MDH2: variants seen among roughly 807,000 people sequenced by gnomAD.
The protein encoded by MDH2 is malate dehydrogenase, mitochondrial.
Under a neutral mutation model 33.6 loss-of-function variants are expected in MDH2, and 25 were observed. The ratio of observed to expected loss-of-function variants is 0.74; its 90% CI spans 0.54 to 1.04. The LOEUF is 1.04. Ranked by LOEUF, MDH2 falls within the 50% of genes least tolerant of loss-of-function variation. MDH2 has a pLI of 0.00. For synonymous variants in MDH2, 193 were observed against 188.7 expected (o/e 1.02, Z -0.19); for missense variants, 432 against 445.0 (o/e 0.97, Z 0.26).
rs140972058 is a variant in MDH2, at chr7:76,057,474, T to C, written c.300T>C (p.Ala100=). The C allele has an allele frequency of 6.2e-7, 1 of 1,614,186 alleles. No individual in the cohort carries two copies. The highest frequency in any genetic ancestry group is 1.7e-5 in the Admixed American group (1 of 60,018). ...LKGCDVVVIP[A]GVPRKPGMTR... is the part of the protein sequence containing the mutation. ...GTTGTGATGTGGTAGTTATTCCGGC[T>C]GGAGTCCCCAGAAAGCCAGGTTTGT... The change falls in exon 3 of 9, where the codon GCT becomes GCC. Residue 100 remains alanine (A), a synonymous_variant. Coordinates refer to ENST00000315758, the MANE Select transcript of MDH2 (RefSeq NM_005918.4).
chr7:76,050,815 G>A (rs187741725), intron 1 of MDH2, among the ~76,000 whole-genome samples: 136 of 152,286 alleles, frequency 8.9e-4, no homozygotes, highest in Non-Finnish European at 1.6e-3. Flanking sequence ...TTTGGGCCTT[G>A]GAGTTGGGCT....
chr7:76,065,655 G>A (rs1457298480), intron 8 of MDH2, among the ~76,000 whole-genome samples: 4 of 152,138 alleles, frequency 2.6e-5, no homozygotes, highest in African/African-American at 4.8e-5. Flanking sequence ...AGACGCACCC[G>A]GTTCTCATAG....
chr7:76,048,546 C>T, intron 1 of MDH2: 3 of 1,315,568 alleles, frequency 2.3e-6, no homozygotes, highest in South Asian at 2.3e-5. Context: ...GGCTCTGCAT[C>T]TGAAAGTAAA....
intron 5 of MDH2, among the ~76,000 whole-genome samples, chr7:76,062,947 C>T (rs1797994159): frequency 6.6e-6 from 1 of 152,118 alleles, no homozygotes; most frequent in African/African-American, 2.4e-5. Flanking sequence ...GGGTGTGGTA[C>T]CTCCAGTTTA....
In MDH2 at chr7:76,054,840, A is replaced by C; in HGVS notation, c.77A>C (p.Lys26Thr). 2 of 1,614,012 alleles carry C rather than the reference A, an allele frequency of 1.2e-6. No homozygotes were observed. Among genetic ancestry groups the C allele is most frequent in the Non-Finnish European group, 1.7e-6 (2 of 1,179,972 alleles). ...SFSTSAQNNA[K>T]VAVLGASGGI... ...TGTGCCTCTTTTTAGAACAATGCTAAAGTAGCTGTGCTAGGGGCCTCTGGA... is the reference window on the plus strand; with the variant it reads ...TGTGCCTCTTTTTAGAACAATGCTACAGTAGCTGTGCTAGGGGCCTCTGGA... The change falls in exon 2 of 9, where the codon AAA (lysine) becomes ACA (threonine). Residue 26 changes from lysine to threonine, a missense_variant. By Grantham distance (78) the Lys-to-Thr change is moderately conservative (BLOSUM62 -1). Transcript: ENST00000315758.
intron 1 of MDH2, among the ~76,000 whole-genome samples, chr7:76,053,201 GTTTACA>G (rs1797673690): frequency 6.6e-6 from 1 of 152,184 alleles, no homozygotes. Flanking sequence ...GGTTCTAGAA[GTTTACA>G]TTTAGTGAAC....
At chr7:76,052,732 G>A (rs1797662563) in intron 1 of MDH2, among the ~76,000 whole-genome samples, 1 of 151,964 alleles carries the variant, frequency 6.6e-6, no homozygotes, top group Non-Finnish European at 1.5e-5. Context: ...TATTAGTAGA[G>A]ATGGGGTTTT....
rs368008244 is a variant in MDH2 at position 76,064,409 on chromosome 7, C to T, written c.704C>T (p.Thr235Met). 1.2e-5 allele frequency: 19 copies of T among 1,613,386 alleles called. No homozygotes were observed. Among genetic ancestry groups the T allele is most frequent in the African/African-American group, 4.0e-5 (3 of 74,866 alleles). The change falls in exon 7 of 9, where the codon ACG becomes ATG. Residue 235 changes from threonine (T) to methionine (M), a missense_variant. Coordinates refer to ENST00000315758, the MANE Select transcript of MDH2 (RefSeq NM_005918.4). ...ALTGRIQEAG[T>M]EVVKAKAGAG... ...ACTGGGCGGATCCAGGAGGCCGGCA[C>T]GGAGGTGGTCAAGGCTAAAGCCGGA...
chr7:76,063,273 C>G (rs1554587260), intron 5 of MDH2, among the ~76,000 whole-genome samples: 1 of 152,214 alleles, frequency 6.6e-6, no homozygotes, highest in Non-Finnish European at 1.5e-5. Flanking sequence ...GAAGGACTTG[C>G]GATGGCCTCG....
intron 1 of MDH2, chr7:76,048,591 A>G: frequency 2.3e-6 from 3 of 1,305,154 alleles, no homozygotes; most frequent in Middle Eastern, 2.9e-4. Flanking sequence ...CATTGCTTTG[A>G]CGTAGCTAAT....
At chr7:76,065,033 G>A in intron 8 of MDH2, 80 bp downstream of exon 8, 2 of 1,518,808 alleles carry the variant, frequency 1.3e-6, no homozygotes, top group Non-Finnish European at 1.8e-6. Flanking sequence ...GCTCTCCCTG[G>A]CCCTTTATGC....
At chr7:76,048,944 A>G (rs1189770651) in intron 1 of MDH2, 1 of 960,446 alleles carries the variant, frequency 1.0e-6, no homozygotes, top group African/African-American at 2.1e-5. Context: ...GCTAATAAAA[A>G]ACAGACGTCT....
In MDH2 at chr7:76,055,807, T is replaced by G. The variant is rs1209596331; in HGVS notation, c.235+809T>G. 1.8e-4 allele frequency among the ~76,000 whole-genome samples: 27 copies of G among 149,708 alleles called. No homozygotes were observed. In the Admixed American group the frequency reaches 1.8e-3, roughly 10 times the overall value. On this transcript the variant is annotated intron_variant, in intron 2 of 8. Transcript: ENST00000315758. ...CTGCTTATTTAACCTTCACAATGTA[T>G]CAACATTTTTGCATGTCACCAAATT...
At position 76,057,445 on chromosome 7, in the gene MDH2, A is replaced by G; in HGVS notation, c.271A>G (p.Lys91Glu). The G allele has an allele frequency of 6.2e-7, 1 of 1,614,108 alleles. No individual in the cohort carries two copies. Among genetic ancestry groups the G allele is most frequent in the South Asian group, 1.1e-5 (1 of 91,072 alleles). Residue 91 changes from lysine (K) to glutamate (E), a missense_variant, in exon 3 of 9, where the codon AAA becomes GAA. Physicochemically the swap from Lys to Glu is moderately conservative, Grantham distance 56. Coordinates refer to ENST00000315758, the MANE Select transcript of MDH2 (RefSeq NM_005918.4). ...ACCTGAACAGCTGCCTGACTGCCTGAAAGGTTGTGATGTGGTAGTTATTCC... is the reference window on the plus strand; with the variant it reads ...ACCTGAACAGCTGCCTGACTGCCTGGAAGGTTGTGATGTGGTAGTTATTCC... ...LGPEQLPDCL[K>E]GCDVVVIPAG...
chr7:76,049,674 G>A (rs1246053155), intron 1 of MDH2, among the ~76,000 whole-genome samples: 4 of 152,100 alleles, frequency 2.6e-5, no homozygotes, highest in Non-Finnish European at 5.9e-5. Context: ...CTAGGTACTG[G>A]AAATACAGCG....
chr7:76,060,641 T>C, intron 5 of MDH2, 143 bp downstream of exon 5: 1 of 1,237,944 alleles, frequency 8.1e-7, no homozygotes, highest in South Asian at 1.5e-5. Context: ...GCTCGCCCTC[T>C]TGATGGAAGC....
intron 7 of MDH2, 86 bp from the exon 8 acceptor site, chr7:76,064,716 G>A (rs1798046344): frequency 2.1e-6 from 3 of 1,433,974 alleles, no homozygotes; most frequent in South Asian, 1.4e-5. Flanking sequence ...GCTGGAAGGT[G>A]TGCAGGTGTC....
At chr7:76,061,011 G>A (rs1354139113) in intron 5 of MDH2, among the ~76,000 whole-genome samples, 2 of 152,132 alleles carry the variant, frequency 1.3e-5, no homozygotes, top group Admixed American at 6.5e-5. Context: ...ACCCTGGAGA[G>A]TCCAGGCCTG....
chr7:76,053,665 G>A (rs1554585766), intron 1 of MDH2, among the ~76,000 whole-genome samples: 2 of 152,288 alleles, frequency 1.3e-5, no homozygotes, highest in Non-Finnish European at 2.9e-5. Flanking sequence ...CAGTGATGCT[G>A]TCAGGCCCCA....
Sources: allele counts gnomAD v4.1 joint callset (sites outside exome capture counted in the v4.1 genomes callset), GRCh38; gene constraint gnomAD v4.1.1; transcripts MANE v1.5; gene names NCBI Gene and HGNC (gene_info 2026-07-23, HGNC 2026-07-21).